EYS: variants seen among roughly 807,000 people sequenced by gnomAD.
The protein encoded by EYS is EGF-like photoreceptor maintenance factor, also known as protein eyes shut homolog.
In EYS, 250 loss-of-function variants were observed where a neutral mutation model predicts 282.1. The observed-to-expected ratio is 0.89, with a 90% confidence interval of 0.80 to 0.98. The LOEUF (loss-of-function observed/expected upper bound fraction) is 0.98, where lower values mean the gene tolerates loss of function less well. Ranked by LOEUF, EYS falls within the 50% of genes least tolerant of loss-of-function variation. EYS has a pLI of 0.00. For synonymous variants in EYS, 1,355 were observed against 1,282.9 expected, an observed-to-expected ratio of 1.06 and a Z score of -1.20; for missense variants, 4,016 against 3,709.0, an observed-to-expected ratio of 1.08 and a Z score of -2.15.
intron 32 of EYS, among the ~76,000 whole-genome samples, chr6:64,067,960 TTA>T (rs1295554722): frequency 6.6e-6 from 1 of 152,168 alleles, no homozygotes; most frequent in Non-Finnish European, 1.5e-5. Context: ...TATGAGCATT[TTA>T]TATATGTCTT....
chr6:65,387,844 C>T (rs188931987), intron 7 of EYS, among the ~76,000 whole-genome samples: 225 of 151,998 alleles, frequency 1.5e-3, no homozygotes, highest in African/African-American at 4.9e-3. Flanking sequence ...TAATTTTTGT[C>T]TTAAAGCATT....
rs191185606 is a variant in EYS, at chr6:65,310,967, G to T, written c.1767-14848C>A. Among the ~76,000 whole-genome samples, 169 of 152,016 alleles carry T rather than the reference G, an allele frequency of 1.1e-3. 1 individual carries two copies. Among genetic ancestry groups the T allele is most frequent in the African/African-American group, 3.7e-3 (154 of 41,476 alleles). The stretch of plus-strand genomic sequence containing the variant: ...AGTTCTGTAATGACCAACTTTTCCT[G>T]TCGTGTTCACTATTGTTTTCCAAGC... On this transcript the variant is annotated intron_variant, in intron 11 of 42. Transcript: ENST00000503581.
At chr6:65,172,681 T>C (rs907165692) in intron 12 of EYS, among the ~76,000 whole-genome samples, 1 of 151,428 alleles carries the variant, frequency 6.6e-6, no homozygotes, top group African/African-American at 2.4e-5. Context: ...AACAGATTTG[T>C]ATTTTGTTAA....
chr6:64,672,002 G>A (rs1212722033), intron 22 of EYS, among the ~76,000 whole-genome samples: 2 of 151,834 alleles, frequency 1.3e-5, no homozygotes, highest in Non-Finnish European at 2.9e-5. Flanking sequence ...TTATTTTATT[G>A]AATTCTTAGA....
At chr6:63,741,461 G>A in intron 41 of EYS, among the ~76,000 whole-genome samples, 1 of 152,198 alleles carries the variant, frequency 6.6e-6, no homozygotes, top group Non-Finnish European at 1.5e-5. Context: ...AAGGATAAAT[G>A]ATATGGAATA....
chr6:65,147,560 C>T (rs1764509996), intron 12 of EYS, among the ~76,000 whole-genome samples: 1 of 151,790 alleles, frequency 6.6e-6, no homozygotes. Context: ...ATATTTAGGC[C>T]CTTTAATTCT....
chr6:64,751,427 C>T (rs1254368027), intron 22 of EYS, among the ~76,000 whole-genome samples: 3 of 152,156 alleles, frequency 2.0e-5, no homozygotes, highest in African/African-American at 7.2e-5. Context: ...GGGCACAAGT[C>T]TGGGTGTTGA....
intron 2 of EYS, among the ~76,000 whole-genome samples, chr6:65,619,918 T>C (rs1310222511): frequency 6.6e-6 from 1 of 151,072 alleles, no homozygotes; most frequent in Admixed American, 6.6e-5. Context: ...TTGATCATGG[T>C]GGATAAGCTT....
rs1183077620 is a variant in EYS at position 63,720,851 on chromosome 6, T to G, written c.9180A>C (p.Ile3060=). The change falls in exon 43 of 43, where the codon ATA becomes ATC. Residue 3060 remains isoleucine, a synonymous_variant. Transcript: ENST00000503581. The part of the protein sequence containing the change: ...IQNQTLIKAY[I]NNSLILSEDI... The stretch of plus-strand genomic sequence containing the variant: ...CCTCGGAAAGAATTAGACTGTTATT[T>G]ATGTAGGCCTTGATAAGAGTCTGAT... 1 of 1,551,264 alleles carries G rather than the reference T, an allele frequency of 6.4e-7. No homozygotes were observed. Among genetic ancestry groups the G allele is most frequent in the Non-Finnish European group, 8.7e-7 (1 of 1,146,662 alleles).
Position 63,973,395 on chromosome 6 carries a change from A to G in EYS, c.7055+10988T>C, listed in dbSNP as rs144534561. Among the ~76,000 whole-genome samples the G allele has an allele frequency of 8.2e-3, 1,248 of 152,218 alleles. 20 individuals are homozygous for G. Among genetic ancestry groups the G allele is most frequent in the African/African-American group, 0.026 (1,100 of 41,552 alleles). Reference sequence around the variant, plus strand: ...TACAAGGAACTTAAACAAATTTACAAGAAGAGAACTAAACTTTATTATTTG... The same window carrying G: ...TACAAGGAACTTAAACAAATTTACAGGAAGAGAACTAAACTTTATTATTTG... On this transcript the variant is annotated intron_variant, in intron 35 of 42. Transcript: ENST00000503581.
chr6:64,281,230 T>A (rs1768298134), intron 30 of EYS, among the ~76,000 whole-genome samples: 1 of 152,238 alleles, frequency 6.6e-6, no homozygotes, highest in South Asian at 2.1e-4. Flanking sequence ...ATTCTATCTA[T>A]GACTTAATGC....
At chr6:65,447,789 A>G (rs1226335122) in intron 5 of EYS, among the ~76,000 whole-genome samples, 1 of 152,048 alleles carries the variant, frequency 6.6e-6, no homozygotes, top group Non-Finnish European at 1.5e-5. Flanking sequence ...ATCATGAGGG[A>G]GCTAGGGAAC....
chr6:64,314,618 A>T (rs1036106798), intron 29 of EYS, among the ~76,000 whole-genome samples: 9 of 152,344 alleles, frequency 5.9e-5, no homozygotes, highest in African/African-American at 2.2e-4. Flanking sequence ...ACAAGTCAGG[A>T]TTAAGAAACA....
intron 13 of EYS, among the ~76,000 whole-genome samples, chr6:65,020,908 C>G (rs1772234869): frequency 6.6e-6 from 1 of 152,172 alleles, no homozygotes; most frequent in African/African-American, 2.4e-5. Flanking sequence ...AAGCCACAGC[C>G]TGAACTGTAC....
intron 19 of EYS, among the ~76,000 whole-genome samples, chr6:64,882,575 A>G (rs1766957456): frequency 6.6e-6 from 1 of 151,706 alleles, no homozygotes; most frequent in South Asian, 2.1e-4. Context: ...GCTAAATATA[A>G]TCAAATACCA....
chr6:65,517,350 A>C (rs538091515), intron 2 of EYS, among the ~76,000 whole-genome samples: 2,375 of 151,722 alleles, frequency 0.016, 33 homozygotes, highest in Non-Finnish European at 0.027. Context: ...ACAAAAAAAA[A>C]ACAAAAGCTC....
chr6:64,949,798 C>A (rs759908809), intron 14 of EYS, among the ~76,000 whole-genome samples: 1 of 151,766 alleles, frequency 6.6e-6, no homozygotes, highest in South Asian at 2.1e-4. Context: ...TCCAAGTAAC[C>A]TACTCAAGTT....
At chr6:64,611,743 A>T (rs1022970896) in intron 24 of EYS, among the ~76,000 whole-genome samples, 2 of 152,162 alleles carry the variant, frequency 1.3e-5, no homozygotes, top group African/African-American at 2.4e-5. Flanking sequence ...AGACTAGTGT[A>T]TATGTATTTC....
At chr6:65,491,954 G>A (rs1766061788) in intron 4 of EYS, among the ~76,000 whole-genome samples, 1 of 152,110 alleles carries the variant, frequency 6.6e-6, no homozygotes, top group Non-Finnish European at 1.5e-5. Context: ...GACACAGGGA[G>A]AAGACAGCAG....
Sources: allele counts gnomAD v4.1 joint callset (sites outside exome capture counted in the v4.1 genomes callset), GRCh38; gene constraint gnomAD v4.1.1; transcripts MANE v1.5; gene names NCBI Gene and HGNC (gene_info 2026-07-23, HGNC 2026-07-21).